Variants in POU2F3 observed in about 807,000 individuals in gnomAD.
POU2F3 encodes POU class 2 homeobox 3.
A neutral mutation model predicts 59.2 loss-of-function variants in POU2F3; 23 were observed. The observed-to-expected ratio is 0.39, with a 90% CI of 0.28 to 0.55. The LOEUF (loss-of-function observed/expected upper bound fraction) is 0.55. Among genes scored for constraint, POU2F3 ranks in the 20% least tolerant of loss-of-function variants. The pLI is 0.66. For missense variants in POU2F3, 473 were observed against 544.5 expected (o/e 0.87, Z 1.31); for synonymous variants, 190 against 214.6 (o/e 0.89, Z 1.00).
chr11:120,260,007 T>C (rs75669750), intron 2 of POU2F3, among the ~76,000 whole-genome samples: 3,879 of 152,360 alleles, frequency 0.025, 73 homozygotes, highest in Middle Eastern at 0.051. Context: ...AGTAGCTTAA[T>C]GGTTGCTCTC....
At chr11:120,280,711 C>T (rs1193894838) in intron 3 of POU2F3, among the ~76,000 whole-genome samples, 1 of 152,232 alleles carries the variant, frequency 6.6e-6, no homozygotes, top group Non-Finnish European at 1.5e-5. Context: ...GAGCCCCTCA[C>T]TTGACATGTG....
At chr11:120,306,114 A>ATCTGTC (rs1255539040) in intron 8 of POU2F3, among the ~76,000 whole-genome samples, 1 of 152,196 alleles carries the variant, frequency 6.6e-6, no homozygotes, top group African/African-American at 2.4e-5. Flanking sequence ...AGATACACTT[A>ATCTGTC]TGCAGATTGC....
intron 1 of POU2F3, among the ~76,000 whole-genome samples, chr11:120,242,652 G>A (rs1284387094): frequency 3.3e-5 from 5 of 152,106 alleles, no homozygotes; most frequent in East Asian, 1.9e-4. Context: ...CTCCCGGGTC[G>A]CCCACTCCAA....
intron 3 of POU2F3, among the ~76,000 whole-genome samples, chr11:120,293,842 C>T (rs541118110): frequency 8.2e-4 from 125 of 152,236 alleles, no homozygotes; most frequent in Middle Eastern, 3.4e-3. Context: ...TTTCCGTCAC[C>T]GATGGTCTAT....
chr11:120,238,176 A>G (rs1938546925), upstream of POU2F3, among the ~76,000 whole-genome samples: 1 of 152,020 alleles, frequency 6.6e-6, no homozygotes, highest in Admixed American at 6.6e-5. Context: ...GGAGGCGGAG[A>G]TTGCCGTGAG....
chr11:120,294,622 TA>T (rs35648457), intron 3 of POU2F3, among the ~76,000 whole-genome samples: 1 of 152,236 alleles, frequency 6.6e-6, no homozygotes, highest in East Asian at 1.9e-4. Flanking sequence ...TTAACAGCTG[TA>T]AAAAGGGATT....
intron 5 of POU2F3, 70 bp from the exon 6 acceptor site, chr11:120,302,216 T>G (rs1197036163): frequency 1.5e-6 from 2 of 1,371,614 alleles, no homozygotes; most frequent in Non-Finnish European, 2.1e-6. Context: ...GGTGCCAAAG[T>G]TGTAGCACAT....
chr11:120,251,318 GCACA>G (rs142296157), intron 2 of POU2F3, among the ~76,000 whole-genome samples: 1 of 151,878 alleles, frequency 6.6e-6, no homozygotes, highest in African/African-American at 2.4e-5. Context: ...CTGTGCGTGC[GCACA>G]CACACACACG....
In POU2F3 at chr11:120,299,555, G is replaced by A; in HGVS notation, c.259-69G>A. Reference sequence around the variant, plus strand: ...CTGGAGACCCCTGGGACGGACGAGTGGCAGGCAGATGGGGCTGATGTCCCC... The same window carrying A: ...CTGGAGACCCCTGGGACGGACGAGTAGCAGGCAGATGGGGCTGATGTCCCC... On this transcript the variant is annotated intron_variant, in intron 4 of 12. Transcript: ENST00000543440. 7 of 1,419,038 alleles carry A rather than the reference G, an allele frequency of 4.9e-6. No homozygotes were observed. The South Asian group carries it at 8.9e-5, about 18-fold the overall frequency. The allele number at this position is 1,419,038 out of a possible 1,614,324, so 87.9% of individuals were successfully genotyped here. A position where few individuals can be genotyped will look rare whatever the true frequency, so the allele number is the denominator to read the frequency against.
At chr11:120,318,017 T>C in intron 12 of POU2F3, among the ~76,000 whole-genome samples, 1 of 152,270 alleles carries the variant, frequency 6.6e-6, no homozygotes, top group African/African-American at 2.4e-5. Flanking sequence ...AGGCAGCCAG[T>C]TCTTATTGGC....
At chr11:120,236,672 T>C (rs1297686944), upstream of POU2F3, 2 of 1,503,294 alleles carry the variant, frequency 1.3e-6, no homozygotes, top group Middle Eastern at 1.7e-4. Flanking sequence ...AAAACCGGTT[T>C]CATGGAGTCT....
chr11:120,277,029 AAAAAATAC>A (rs1442744884), intron 3 of POU2F3, among the ~76,000 whole-genome samples: 1 of 152,168 alleles, frequency 6.6e-6, no homozygotes. Context: ...ATTTTTTACT[AAAAAATAC>A]AAAAATACAA....
intron 2 of POU2F3, chr11:120,256,908 T>A (rs1272248449): frequency 3.3e-5 from 5 of 152,246 alleles, no homozygotes; most frequent in African/African-American, 1.2e-4. Context: ...GGTAGACAGA[T>A]GTGGGTTTCA....
intron 2 of POU2F3, among the ~76,000 whole-genome samples, chr11:120,259,607 G>A (rs1357540332): frequency 6.6e-6 from 1 of 152,162 alleles, no homozygotes; most frequent in African/African-American, 2.4e-5. Flanking sequence ...TATTCTTCAG[G>A]TGGCTTCAAG....
chr11:120,259,308 C>A, intron 2 of POU2F3: 1 of 152,204 alleles, frequency 6.6e-6, no homozygotes, highest in South Asian at 2.1e-4. Context: ...GTAGAGAGAA[C>A]CTGACAGATC....
Position 120,319,460 on chromosome 11 carries a change from T to TTTTTTTTTTG in POU2F3, c.*1070_*1071insTTTTTTTGTT, listed in dbSNP as rs1555083314. 8 of 147,598 alleles carry TTTTTTTTTTG rather than the reference T, an allele frequency of 5.4e-5. No individual in the cohort carries two copies. The highest frequency in any genetic ancestry group is 2.0e-4 in the African/African-American group (8 of 39,120). 9.1% of individuals were successfully genotyped at this position (147,598 alleles called of 1,614,324 possible). A position where few individuals can be genotyped will look rare whatever the true frequency, so the allele number is the denominator to read the frequency against. ...TTTCTTTTTCTTTTTTTTTTTTTTT[T>TTTTTTTTTTG]TTGAGACAGTCTTGCTCCAGCCCAG... is the stretch of plus-strand genomic sequence containing the variant. On this transcript the variant is annotated 3_prime_UTR_variant, in exon 13 of 13. Coordinates refer to ENST00000543440, the MANE Select transcript of POU2F3 (RefSeq NM_014352.4).
In POU2F3 at chr11:120,312,722, G is replaced by A. The variant is rs149302314; in HGVS notation, c.1069-2639G>A. Among the ~76,000 whole-genome samples, 347 of 152,292 alleles carry A rather than the reference G, an allele frequency of 2.3e-3. 2 individuals carry two copies. Among genetic ancestry groups the A allele is most frequent in the African/African-American group, 7.8e-3 (323 of 41,548 alleles). ...GTGACCCCTGCTTACAGTGTAGCAGGAAAACAGATACTAAACAAATGCTAT... is the reference window on the plus strand; with the variant it reads ...GTGACCCCTGCTTACAGTGTAGCAGAAAAACAGATACTAAACAAATGCTAT... On this transcript the variant is annotated intron_variant, in intron 10 of 12. Transcript: ENST00000543440.
At chr11:120,253,254 C>T (rs1344024292) in intron 2 of POU2F3, among the ~76,000 whole-genome samples, 3 of 145,656 alleles carry the variant, frequency 2.1e-5, no homozygotes, top group Non-Finnish European at 4.4e-5. Context: ...GTGCTATTAA[C>T]ATTTTTAATT....
intron 3 of POU2F3, among the ~76,000 whole-genome samples, chr11:120,298,054 T>G (rs548128023): frequency 5.9e-5 from 9 of 152,160 alleles, no homozygotes; most frequent in African/African-American, 1.9e-4. Context: ...TTTTGTCATT[T>G]CAGGGTCACT....
Sources: gnomAD v4.1 joint callset for allele counts (sites outside exome capture counted in the v4.1 genomes callset) on GRCh38, gnomAD v4.1.1 for gene constraint, MANE v1.5 for transcripts, NCBI Gene and HGNC (gene_info 2026-07-23, HGNC 2026-07-21) for gene names.